RGS12: variants seen among roughly 807,000 people sequenced by gnomAD.
RGS12 encodes the protein regulator of G-protein signaling 12.
A neutral mutation model predicts 120.1 loss-of-function variants in RGS12; 66 were observed. The ratio of observed to expected loss-of-function variants is 0.55; its 90% CI spans 0.45 to 0.67. The LOEUF is 0.67. Among genes scored for constraint, RGS12 ranks in the 30% least tolerant of loss-of-function variants. The pLI, the probability that RGS12 is intolerant of heterozygous loss-of-function variation, is 0.00. For missense variants in RGS12, 1,859 were observed against 1,957.7 expected (o/e 0.95, Z 0.95); for synonymous variants, 827 against 804.7 (o/e 1.03, Z -0.47).
chr4:3,306,032 G>A (rs16844136), intron 1 of RGS12, among the ~76,000 whole-genome samples: 2,782 of 152,306 alleles, frequency 0.018, 70 homozygotes, highest in African/African-American at 0.06. Context: ...CATCAGGCAC[G>A]AGCCATACCT....
intron 8 of RGS12, 83 bp downstream of exon 8, chr4:3,417,175 C>A: frequency 7.0e-7 from 1 of 1,425,866 alleles, no homozygotes. Context: ...TGAAAAGAGG[C>A]CCTGTCGGCG....
At chr4:3,375,081 G>A (rs938190984) in intron 3 of RGS12, among the ~76,000 whole-genome samples, 3 of 152,178 alleles carry the variant, frequency 2.0e-5, no homozygotes, top group Admixed American at 6.5e-5. Context: ...GCCAGACACC[G>A]CCAAGGGGGC....
chr4:3,380,216 C>A (rs1718118778), intron 3 of RGS12, among the ~76,000 whole-genome samples: 2 of 152,256 alleles, frequency 1.3e-5, no homozygotes, highest in African/African-American at 4.8e-5. Context: ...CCTTTGACTC[C>A]CATGTCCCAC....
chr4:3,371,890 G>A (rs1387759883), intron 3 of RGS12, among the ~76,000 whole-genome samples: 2 of 152,198 alleles, frequency 1.3e-5, no homozygotes, highest in African/African-American at 4.8e-5. Context: ...TCTTGAGGGG[G>A]AGGATGCCCC....
intron 2 of RGS12, among the ~76,000 whole-genome samples, chr4:3,340,797 T>A (rs112848852): frequency 3.1e-4 from 40 of 128,562 alleles, no homozygotes; most frequent in Admixed American, 1.5e-3. Context: ...CAGTCCGTTC[T>A]CCAGCCTCGG....
At chr4:3,379,264 A>G (rs1254327899) in intron 3 of RGS12, among the ~76,000 whole-genome samples, 1 of 152,134 alleles carries the variant, frequency 6.6e-6, no homozygotes, top group African/African-American at 2.4e-5. Context: ...TAAGATGAAT[A>G]AGTTCTAGAG....
intron 4 of RGS12, among the ~76,000 whole-genome samples, chr4:3,404,332 C>T (rs925548170): frequency 2.6e-5 from 4 of 152,278 alleles, no homozygotes; most frequent in Admixed American, 6.5e-5. Context: ...TGAATTTTGC[C>T]GCTGTAGTGA....
upstream of RGS12, among the ~76,000 whole-genome samples, chr4:3,291,492 G>A (rs903690955): frequency 2.0e-5 from 3 of 152,254 alleles, no homozygotes; most frequent in East Asian, 1.9e-4. Context: ...GACTATAGGC[G>A]CGTGCCACCA....
At chr4:3,306,393 T>C (rs1560642668) in intron 1 of RGS12, among the ~76,000 whole-genome samples, 1 of 152,194 alleles carries the variant, frequency 6.6e-6, no homozygotes, top group African/African-American at 2.4e-5. Flanking sequence ...GATGCAGGTA[T>C]CACTCCACCA....
chr4:3,330,400 T>C (rs1407019550), intron 2 of RGS12, among the ~76,000 whole-genome samples: 1 of 152,188 alleles, frequency 6.6e-6, no homozygotes, highest in African/African-American at 2.4e-5. Context: ...TTGTCTGGGG[T>C]AACCCCAGTT....
At chr4:3,297,428 T>TA (rs2110349317) in intron 1 of RGS12, among the ~76,000 whole-genome samples, 1 of 152,330 alleles carries the variant, frequency 6.6e-6, no homozygotes, top group South Asian at 2.1e-4. Flanking sequence ...CTTAAGACAT[T>TA]CTTTTTTTAT....
At chr4:3,331,613 T>TAA (rs554902197) in intron 2 of RGS12, among the ~76,000 whole-genome samples, 3 of 141,282 alleles carry the variant, frequency 2.1e-5, no homozygotes, top group African/African-American at 7.7e-5. Flanking sequence ...AAATAGATTG[T>TAA]AAAAAAAAAA....
At chr4:3,411,558 C>T (rs1721735473) in intron 4 of RGS12, among the ~76,000 whole-genome samples, 1 of 152,246 alleles carries the variant, frequency 6.6e-6, no homozygotes, top group South Asian at 2.1e-4. Context: ...ACAAGACACC[C>T]ATAGGCAAGT....
intron 1 of RGS12, among the ~76,000 whole-genome samples, chr4:3,294,784 G>C (rs1464336430): frequency 6.6e-6 from 1 of 152,276 alleles, no homozygotes; most frequent in African/African-American, 2.4e-5. Context: ...TAACTGCAAT[G>C]ATGCGGATGC....
chr4:3,410,896 A>T (rs1721665221), intron 4 of RGS12, among the ~76,000 whole-genome samples: 1 of 152,162 alleles, frequency 6.6e-6, no homozygotes, highest in African/African-American at 2.4e-5. Flanking sequence ...TAGAAAAGGG[A>T]GCCAGCCCGC....
chr4:3,348,400 A>G (rs1714029020), intron 3 of RGS12, among the ~76,000 whole-genome samples: 1 of 152,252 alleles, frequency 6.6e-6, no homozygotes, highest in Non-Finnish European at 1.5e-5. Context: ...CCAAAAAGGT[A>G]AAGAAAAACC....
chr4:3,361,513 TG>T (rs2108842411), intron 3 of RGS12, among the ~76,000 whole-genome samples: 1 of 152,184 alleles, frequency 6.6e-6, no homozygotes, highest in East Asian at 1.9e-4. Flanking sequence ...GAAAGCAAGA[TG>T]GGGCCTGGGA....
intron 17 of RGS12, among the ~76,000 whole-genome samples, 176 bp from the exon 18 acceptor site, chr4:3,439,279 G>A (rs1302372936): frequency 6.6e-6 from 1 of 152,136 alleles, no homozygotes; most frequent in Non-Finnish European, 1.5e-5. Flanking sequence ...TCCCCTGGGC[G>A]TACCTGCCCC....
intron 3 of RGS12, among the ~76,000 whole-genome samples, chr4:3,353,043 C>T (rs1022956640): frequency 1.3e-5 from 2 of 152,230 alleles, no homozygotes; most frequent in South Asian, 2.1e-4. Context: ...CTGTCTCGCA[C>T]CCTCCAGAGT....
Sources: gnomAD v4.1 joint callset for allele counts (sites outside exome capture counted in the v4.1 genomes callset) on GRCh38, gnomAD v4.1.1 for gene constraint, MANE v1.5 for transcripts, NCBI Gene and HGNC (gene_info 2026-07-23, HGNC 2026-07-21) for gene names.